BSN: variants seen among roughly 807,000 people sequenced by gnomAD.
BSN encodes the protein protein bassoon.
A neutral mutation model predicts 264.8 loss-of-function variants in BSN; 57 were observed. The ratio of observed to expected loss-of-function variants is 0.22; its 90% CI spans 0.17 to 0.27. The LOEUF is 0.27. Ranked by LOEUF, BSN falls within the 10% of genes least tolerant of loss-of-function variation. BSN has a pLI of 1.00. For missense variants in BSN, 4,615 were observed against 5,232.5 expected (o/e 0.88, Z 3.64); for synonymous variants, 2,059 against 2,137.3 (o/e 0.96, Z 1.01).
chr3:49,664,796 C>T lies in BSN; in HGVS notation c.11741-3C>T, dbSNP rs2052699930. On this transcript the variant is annotated splice_region_variant and splice_polypyrimidine_tract_variant and intron_variant, in intron 9 of 11. Transcript: ENST00000296452. Reference sequence around the variant, plus strand: ...ATGGCTCTCTCCTCTTTCTTTGTCACAGCTGTCTCTGCTTTTGGCAAAAAA... The same window carrying T: ...ATGGCTCTCTCCTCTTTCTTTGTCATAGCTGTCTCTGCTTTTGGCAAAAAA... The T allele has an allele frequency of 6.2e-7, 1 of 1,613,840 alleles. No individual in the cohort carries two copies. Among genetic ancestry groups the T allele is most frequent in the Admixed American group, 1.7e-5 (1 of 60,028 alleles).
In BSN at chr3:49,652,763, C is replaced by T; in HGVS notation, c.3207C>T (p.Ser1069=). 6.4e-7 allele frequency: 1 copy of T among 1,554,404 alleles called. No homozygotes were observed. Among genetic ancestry groups the T allele is most frequent in the Non-Finnish European group, 8.7e-7 (1 of 1,150,354 alleles). Reference sequence around the variant, plus strand: ...AGGTGGAGCAGCAGCGCATCCGCAGCACGGCCCGCAAGACCCGGCGGGACA... The same window carrying T: ...AGGTGGAGCAGCAGCGCATCCGCAGTACGGCCCGCAAGACCCGGCGGGACA... The part of the protein sequence containing the change: ...MREVEQQRIR[S]TARKTRRDKE... The change falls in exon 5 of 12, where the codon AGC becomes AGT. Residue 1069 remains serine, a synonymous_variant. Transcript: ENST00000296452.
chr3:49,671,940 C>T (rs890763556), downstream of BSN, among the ~76,000 whole-genome samples: 5 of 151,504 alleles, frequency 3.3e-5, no homozygotes, highest in African/African-American at 9.7e-5. This position sits in a 1 kb window ranked among gnomAD's most constrained non-coding sequence, Gnocchi z 4.1. Flanking sequence ...TTCCAACCCC[C>T]AAACTCTCAC....
At chr3:49,558,023 G>A (rs746038406) in intron 1 of BSN, among the ~76,000 whole-genome samples, 16 of 152,200 alleles carry the variant, frequency 1.1e-4, no homozygotes, top group Non-Finnish European at 2.1e-4. Context: ...AGACTGGTTG[G>A]TCAGATAGCT....
At chr3:49,612,945 C>G (rs2052219430) in intron 1 of BSN, among the ~76,000 whole-genome samples, 1 of 152,116 alleles carries the variant, frequency 6.6e-6, no homozygotes, top group Non-Finnish European at 1.5e-5. Context: ...CCAGCCTGAC[C>G]AACATGGAGA....
At chr3:49,562,122 G>A (rs1304066871) in intron 1 of BSN, among the ~76,000 whole-genome samples, 1 of 152,070 alleles carries the variant, frequency 6.6e-6, no homozygotes, top group Non-Finnish European at 1.5e-5. Context: ...TAGATCTCTT[G>A]AATTTATTCC....
intron 2 of BSN, among the ~76,000 whole-genome samples, chr3:49,633,288 C>T (rs929945539): frequency 6.9e-5 from 10 of 145,906 alleles, no homozygotes; most frequent in Admixed American, 4.2e-4. Flanking sequence ...GACAACTGAG[C>T]GAGACTCTGT....
rs531232664 is a variant in BSN at position 49,660,277 on chromosome 3, G to C, written c.8641-209G>C. Among the ~76,000 whole-genome samples the C allele has an allele frequency of 1.1e-3, 161 of 152,246 alleles. No individual in the cohort carries two copies. Among genetic ancestry groups the C allele is most frequent in the African/African-American group, 3.7e-3 (153 of 41,528 alleles). On this transcript the variant is annotated intron_variant, in intron 5 of 11. Coordinates refer to ENST00000296452, the MANE Select transcript of BSN (RefSeq NM_003458.4). The surrounding 1 kb of genome is among the most constrained non-coding windows in gnomAD (Gnocchi z 7.1). ...CAAAGCTCTGGGAAAGAGAAGGGCT[G>C]TAAAATAATCACAGATCTTCCCTCT...
chr3:49,646,798 G>A (rs1357299868), intron 3 of BSN, among the ~76,000 whole-genome samples: 2 of 152,238 alleles, frequency 1.3e-5, no homozygotes, highest in Non-Finnish European at 2.9e-5. Context: ...GTGCTGGGGG[G>A]TGAGGGGGTT....
At position 49,617,381 on chromosome 3, in the gene BSN, CCTT is replaced by C. The variant is rs2052269070; in HGVS notation, c.225-7592_225-7590del. ...CTTCCCTGTTTGACTTCTAGCCACT[CCTT>C]CATCTCTCTGCCCTTCCTGTCTCTT... is the stretch of plus-strand genomic sequence containing the variant. On this transcript the variant is annotated intron_variant, in intron 1 of 11. Transcript: ENST00000296452. Among the ~76,000 whole-genome samples, 3 of 151,014 alleles carry C rather than the reference CCTT, an allele frequency of 2.0e-5. No individual in the cohort carries two copies. In the East Asian group the frequency reaches 5.8e-4, roughly 29 times the overall value.
intron 1 of BSN, among the ~76,000 whole-genome samples, chr3:49,593,162 T>C (rs2051993734): frequency 6.6e-6 from 1 of 152,190 alleles, no homozygotes; most frequent in South Asian, 2.1e-4. Flanking sequence ...TGTGTAACCT[T>C]TTGGGGTTGG....
intron 1 of BSN, among the ~76,000 whole-genome samples, chr3:49,603,802 G>C (rs1420057257): frequency 6.6e-6 from 1 of 151,872 alleles, no homozygotes; most frequent in Non-Finnish European, 1.5e-5. Flanking sequence ...AACCATTTTT[G>C]CCACCCCAAA....
Position 49,662,127 on chromosome 3 carries a change from C to T in BSN, c.10282C>T (p.Arg3428Trp), listed in dbSNP as rs751008096. The T allele has an allele frequency of 1.5e-5, 24 of 1,613,416 alleles. No homozygotes were observed. Among genetic ancestry groups the T allele is most frequent in the South Asian group, 3.3e-5 (3 of 91,090 alleles). The change falls in exon 6 of 12, where the codon CGG becomes TGG. Residue 3428 changes from arginine (R) to tryptophan (W), a missense_variant. Transcript: ENST00000296452. ...EQQKYYGMSS[R>W]DAVEDDRIYG... Reference sequence around the variant, plus strand: ...GCAAAAATACTATGGGATGTCCAGCCGGGACGCAGTGGAGGACGACCGCAT... The same window carrying T: ...GCAAAAATACTATGGGATGTCCAGCTGGGACGCAGTGGAGGACGACCGCAT...
rs150741274 is a variant in BSN, at chr3:49,662,148, C to A, written c.10303C>A (p.Arg3435Ser). 1 of 1,613,454 alleles carries A rather than the reference C, an allele frequency of 6.2e-7. No homozygotes were observed. The highest frequency in any genetic ancestry group is 1.7e-5 in the Admixed American group (1 of 60,032). The change falls in exon 6 of 12, where the codon CGC becomes AGC. Residue 3435 changes from arginine to serine, a missense_variant. Transcript: ENST00000296452. ...MSSRDAVEDD[R>S]IYGGSSRSRA... is the part of the protein sequence containing the mutation. ...CAGCCGGGACGCAGTGGAGGACGAC[C>A]GCATTTATGGCGGGAGCAGCCGGTC... is the stretch of plus-strand genomic sequence containing the variant.
rs374755097 is a variant in BSN at position 49,653,052 on chromosome 3, G to A, written c.3496G>A (p.Glu1166Lys). ...PTFMSLYSPTETPSGSSTTPS... is the reference protein window; with the variant it reads ...PTFMSLYSPTKTPSGSSTTPS... ...CTTCATGTCCCTCTACTCACCAACCGAGACACCCTCCGGCAGCTCCACCAC... is the reference window on the plus strand; with the variant it reads ...CTTCATGTCCCTCTACTCACCAACCAAGACACCCTCCGGCAGCTCCACCAC... Residue 1166 changes from glutamate (E) to lysine (K), a missense_variant, in exon 5 of 12, where the codon GAG (glutamate) becomes AAG (lysine). Coordinates refer to ENST00000296452, the MANE Select transcript of BSN (RefSeq NM_003458.4). This position sits in a 1 kb window ranked among gnomAD's most constrained non-coding sequence, Gnocchi z 6.3. 5.0e-6 allele frequency: 8 copies of A among 1,613,360 alleles called. No homozygotes were observed. The African/African-American group carries it at 9.3e-5, about 19-fold the overall frequency.
At chr3:49,634,891 A>G (rs1005678046) in intron 2 of BSN, among the ~76,000 whole-genome samples, 3 of 152,208 alleles carry the variant, frequency 2.0e-5, no homozygotes, top group Non-Finnish European at 4.4e-5. Context: ...ACACACATAT[A>G]TATACACCCC....
intron 5 of BSN, among the ~76,000 whole-genome samples, chr3:49,659,695 A>G (rs1168258712): frequency 6.6e-6 from 1 of 152,162 alleles, no homozygotes; most frequent in African/African-American, 2.4e-5. Flanking sequence ...GTAGGCAAGG[A>G]GGACCCCATG....
Position 49,655,765 on chromosome 3 carries a change from A to T in BSN, c.6209A>T (p.Asp2070Val), listed in dbSNP as rs2052593218. 1.9e-6 allele frequency: 3 copies of T among 1,613,452 alleles called. No homozygotes were observed. Among genetic ancestry groups the T allele is most frequent in the East Asian group, 4.5e-5 (2 of 44,880 alleles). The change falls in exon 5 of 12, where the codon GAC (aspartate) becomes GTC (valine). Residue 2070 changes from aspartate (D) to valine (V), a missense_variant. Asp to Val is a radical substitution (Grantham distance 152, BLOSUM62 -3). Around this residue, in one of 3 missense-constraint regions of BSN, gnomAD observed 3,415 missense variants for 3,866.4 expected, o/e 0.88. Transcript: ENST00000296452. ...RYSSVSNIYS[D>V]HRYGPRGDAV... ...AGCTCAGTGTCGAACATCTACTCAG[A>T]CCACAGGTACGGCCCACGGGGAGAT...
Position 49,658,058 on chromosome 3 carries a change from C to T in BSN, c.8502C>T (p.Leu2834=). Residue 2834 remains leucine, a synonymous_variant, in exon 5 of 12, where the codon CTC becomes CTT. Coordinates refer to ENST00000296452, the MANE Select transcript of BSN (RefSeq NM_003458.4). ...PQKHFTADSA[L]RQQTLPRPMK... ...AGCACTTCACGGCTGACAGCGCTCT[C>T]CGCCAGCAGACGCTGCCTCGCCCCA... 6.2e-7 allele frequency: 1 copy of T among 1,613,456 alleles called. No homozygotes were observed. The highest frequency in any genetic ancestry group is 1.3e-5 in the African/African-American group (1 of 75,050).
At chr3:49,586,315 A>C (rs1187469530) in intron 1 of BSN, among the ~76,000 whole-genome samples, 1 of 142,226 alleles carries the variant, frequency 7.0e-6, no homozygotes, top group African/African-American at 2.6e-5. Flanking sequence ...ATGGATATCC[A>C]GTTTTCCCAG....
Sources: allele counts gnomAD v4.1 joint callset (sites outside exome capture counted in the v4.1 genomes callset), GRCh38; gene constraint gnomAD v4.1.1; regional missense constraint gnomAD v4.1.1; non-coding constraint Gnocchi (gnomAD v3.1); transcripts MANE v1.5; gene names NCBI Gene and HGNC (gene_info 2026-07-23, HGNC 2026-07-21).